The following F13A1 variants were observed in gnomAD, a reference collection of about 807,000 sequenced individuals.
The protein encoded by F13A1 is FSF, A subunit.
A neutral mutation model predicts 80.1 loss-of-function variants in F13A1; 47 were observed. That is an observed-to-expected ratio of 0.59 (90% CI 0.46 to 0.75). The LOEUF (loss-of-function observed/expected upper bound fraction) is 0.75, where lower values mean the gene tolerates loss of function less well. Ranked by LOEUF, F13A1 falls within the 30% of genes least tolerant of loss-of-function variation. The pLI is 0.00. For missense variants in F13A1, 817 were observed against 930.4 expected, an observed-to-expected ratio of 0.88 and a Z score of 1.59; for synonymous variants, 349 against 344.9, an observed-to-expected ratio of 1.01 and a Z score of -0.13.
chr6:6,163,143 G>T (rs1185835250), intron 13 of F13A1, among the ~76,000 whole-genome samples: 1 of 152,190 alleles, frequency 6.6e-6, no homozygotes, highest in Non-Finnish European at 1.5e-5. Flanking sequence ...TTCACCCTGT[G>T]CCTGGCACAT....
chr6:6,212,099 C>T (rs981866296), intron 8 of F13A1, among the ~76,000 whole-genome samples: 32 of 152,268 alleles, frequency 2.1e-4, no homozygotes, highest in African/African-American at 5.8e-4. Context: ...GCAAGGCTGG[C>T]GGAGGGGCGC....
chr6:6,240,110 G>C (rs1461432320), intron 6 of F13A1, among the ~76,000 whole-genome samples: 1 of 152,190 alleles, frequency 6.6e-6, no homozygotes, highest in Non-Finnish European at 1.5e-5. Context: ...TGTGATTACA[G>C]AATAGCTGCA....
At chr6:6,212,745 C>A (rs1390015867) in intron 8 of F13A1, among the ~76,000 whole-genome samples, 1 of 152,142 alleles carries the variant, frequency 6.6e-6, no homozygotes, top group African/African-American at 2.4e-5. Context: ...TACGGGAGGA[C>A]ATTCAAACCA....
intron 8 of F13A1, among the ~76,000 whole-genome samples, chr6:6,202,452 T>C (rs1237709391): frequency 1.3e-5 from 2 of 152,210 alleles, no homozygotes; most frequent in Non-Finnish European, 2.9e-5. Context: ...TCAGTAAGTG[T>C]TGGCTAAATA....
At chr6:6,297,886 G>A (rs1273884308) in intron 3 of F13A1, among the ~76,000 whole-genome samples, 4 of 149,826 alleles carry the variant, frequency 2.7e-5, no homozygotes, top group Admixed American at 2.0e-4. Context: ...TGGGCATTTA[G>A]TGCTATAAAT....
chr6:6,305,127 C>A, intron 3 of F13A1: 1 of 600,168 alleles, frequency 1.7e-6, no homozygotes, highest in South Asian at 1.9e-5. Flanking sequence ...ACCAGTTTTA[C>A]TTTTATTTAT....
At chr6:6,170,407 G>C (rs527932826) in intron 12 of F13A1, among the ~76,000 whole-genome samples, 1 of 152,316 alleles carries the variant, frequency 6.6e-6, no homozygotes, top group South Asian at 2.1e-4. Context: ...AGAGAACAGT[G>C]CTTCTGAAAT....
At chr6:6,151,318 T>C (rs931698450) in intron 14 of F13A1, among the ~76,000 whole-genome samples, 3 of 151,804 alleles carry the variant, frequency 2.0e-5, no homozygotes, top group Non-Finnish European at 4.4e-5. Flanking sequence ...CTGATTGGGA[T>C]GGTAAAATCT....
Position 6,162,317 on chromosome 6 carries a change from C to A in F13A1, c.1908+5141G>T, listed in dbSNP as rs1262110628. On this transcript the variant is annotated intron_variant, in intron 13 of 14. Coordinates refer to ENST00000264870, the MANE Select transcript of F13A1 (RefSeq NM_000129.4). This position sits in a 1 kb window ranked among gnomAD's most constrained non-coding sequence, Gnocchi z 4.2. ...CTCTACATACTGCCGTCCACCTCCC[C>A]TCTAGCCCTTGCTAACATTTTCTTC... Among the ~76,000 whole-genome samples the A allele has an allele frequency of 6.6e-6, 1 of 152,208 alleles. No individual in the cohort carries two copies. Among genetic ancestry groups the A allele is most frequent in the Non-Finnish European group, 1.5e-5 (1 of 68,040 alleles).
At chr6:6,174,904 C>G in intron 11 of F13A1, 37 bp from the exon 12 acceptor site, 1 of 1,612,922 alleles carries the variant, frequency 6.2e-7, no homozygotes, top group East Asian at 2.2e-5. Context: ...GGCAAAAATA[C>G]AATCCACCAG....
intron 4 of F13A1, among the ~76,000 whole-genome samples, chr6:6,258,256 C>G (rs1757728990): frequency 6.6e-6 from 1 of 152,136 alleles, no homozygotes; most frequent in Non-Finnish European, 1.5e-5. Flanking sequence ...ATCACAGAAC[C>G]TGCTTTCTCT....
chr6:6,160,622 C>A (rs1274570122), intron 13 of F13A1, among the ~76,000 whole-genome samples: 2 of 152,252 alleles, frequency 1.3e-5, no homozygotes, highest in Non-Finnish European at 2.9e-5. Flanking sequence ...CAGGTGTGAG[C>A]CACTGCACCC....
At chr6:6,314,553 T>G (rs992240450) in intron 2 of F13A1, among the ~76,000 whole-genome samples, 1 of 152,172 alleles carries the variant, frequency 6.6e-6, no homozygotes, top group African/African-American at 2.4e-5. Flanking sequence ...TCCAATATCC[T>G]TGCATCAGGA....
chr6:6,201,848 G>C (rs1173155888), intron 8 of F13A1, among the ~76,000 whole-genome samples: 1 of 151,910 alleles, frequency 6.6e-6, no homozygotes, highest in Non-Finnish European at 1.5e-5. Context: ...CAGATATTTA[G>C]CATTTTTGCT....
intron 3 of F13A1, among the ~76,000 whole-genome samples, chr6:6,287,565 T>C (rs1022703748): frequency 1.2e-4 from 18 of 151,928 alleles, no homozygotes. Flanking sequence ...CCGATACCCA[T>C]GGCCCTTCAT....
intron 8 of F13A1, among the ~76,000 whole-genome samples, chr6:6,211,389 T>A (rs1374693019): frequency 3.3e-5 from 5 of 152,238 alleles, no homozygotes. Flanking sequence ...GAAATATGGT[T>A]AACAAGAAAA....
At chr6:6,280,349 G>T (rs922373654) in intron 3 of F13A1, among the ~76,000 whole-genome samples, 2 of 152,202 alleles carry the variant, frequency 1.3e-5, no homozygotes, top group Non-Finnish European at 2.9e-5. Context: ...CAGAGCAAGA[G>T]TAGTAGACCG....
chr6:6,239,937 G>C (rs558427337), intron 6 of F13A1, among the ~76,000 whole-genome samples: 5 of 152,140 alleles, frequency 3.3e-5, no homozygotes, highest in Non-Finnish European at 7.4e-5. Context: ...GGGAACCCAA[G>C]GTGCATGAAG....
At chr6:6,201,409 C>A (rs112077917) in intron 8 of F13A1, among the ~76,000 whole-genome samples, 18 of 152,254 alleles carry the variant, frequency 1.2e-4, no homozygotes, top group Non-Finnish European at 1.8e-4. Flanking sequence ...GGGGAGGAAG[C>A]AAATGCTCCC....
Sources: gnomAD v4.1 joint callset for allele counts (sites outside exome capture counted in the v4.1 genomes callset) on GRCh38, gnomAD v4.1.1 for gene constraint, Gnocchi (gnomAD v3.1) non-coding constraint, MANE v1.5 for transcripts, NCBI Gene and HGNC (gene_info 2026-07-23, HGNC 2026-07-21) for gene names.